The following IMMP2L variants were observed in gnomAD, a reference collection of about 807,000 sequenced individuals.
IMMP2L encodes the protein inner mitochondrial membrane peptidase subunit 2.
A neutral mutation model predicts 19.3 loss-of-function variants in IMMP2L; 18 were observed. That is an observed-to-expected ratio of 0.93 (90% CI 0.64 to 1.38). IMMP2L has a LOEUF of 1.38. IMMP2L is among the 40% of genes most tolerant of loss of function. The pLI, the probability that IMMP2L is intolerant of heterozygous loss-of-function variation, is 0.00. For missense variants in IMMP2L, 233 were observed against 218.2 expected (o/e 1.07, Z -0.43); for synonymous variants, 76 against 73.0 (o/e 1.04, Z -0.21).
chr7:111,263,799 G>C lies in IMMP2L; in HGVS notation c.239+223439C>G, dbSNP rs147275246. On this transcript the variant is annotated intron_variant, in intron 3 of 5. Transcript: ENST00000405709. ...ACTAGGGAAATTAGTGAAACACTAGGAGCACATGGCTTTACTGGAAGCCAG... is the reference window on the plus strand; with the variant it reads ...ACTAGGGAAATTAGTGAAACACTAGCAGCACATGGCTTTACTGGAAGCCAG... 4.6e-5 allele frequency among the ~76,000 whole-genome samples: 7 copies of C among 152,242 alleles called. No individual in the cohort carries two copies. In the East Asian group the frequency reaches 1.4e-3, roughly 29 times the overall value.
At chr7:110,981,311 T>G (rs1821274284) in intron 3 of IMMP2L, among the ~76,000 whole-genome samples, 2 of 152,234 alleles carry the variant, frequency 1.3e-5, no homozygotes, top group South Asian at 2.1e-4. Flanking sequence ...ATAGTCACAC[T>G]GTTAATATTA....
At chr7:111,111,564 C>T (rs1799206621) in intron 3 of IMMP2L, among the ~76,000 whole-genome samples, 1 of 151,916 alleles carries the variant, frequency 6.6e-6, no homozygotes, top group Admixed American at 6.6e-5. Flanking sequence ...ATAGACTAGT[C>T]CTTAAATGGT....
chr7:111,531,079 G>T (rs1469607541), intron 1 of IMMP2L, among the ~76,000 whole-genome samples: 1 of 151,662 alleles, frequency 6.6e-6, no homozygotes, highest in East Asian at 1.9e-4. Context: ...AGCCTCCAGA[G>T]TAGCTGGGAC....
chr7:111,048,692 G>A (rs1194831028), intron 3 of IMMP2L, among the ~76,000 whole-genome samples: 2 of 152,148 alleles, frequency 1.3e-5, no homozygotes, highest in South Asian at 4.1e-4. Context: ...AAGAGGTTGT[G>A]ATTATTAACG....
intron 3 of IMMP2L, among the ~76,000 whole-genome samples, chr7:111,072,987 G>A (rs7781676): frequency 0.13 from 19,761 of 151,338 alleles, 1,862 homozygotes; most frequent in African/African-American, 0.26. Flanking sequence ...TAAAGGCAAA[G>A]ACATGGCTAT....
chr7:110,962,616 T>A (rs539945694), intron 4 of IMMP2L: 1 of 478,934 alleles, frequency 2.1e-6, no homozygotes, highest in South Asian at 8.7e-5. Flanking sequence ...TTAGTATTAT[T>A]AGGAAAGTAG....
chr7:110,981,507 T>C (rs1259831560), intron 3 of IMMP2L, among the ~76,000 whole-genome samples: 1 of 151,634 alleles, frequency 6.6e-6, no homozygotes, highest in East Asian at 1.9e-4. Context: ...AAAATTTCTG[T>C]GTTGAGTGGT....
chr7:110,713,441 T>C (rs950904160), intron 5 of IMMP2L, among the ~76,000 whole-genome samples: 5 of 152,240 alleles, frequency 3.3e-5, no homozygotes, highest in African/African-American at 1.2e-4. Context: ...TTTCTGATTC[T>C]GTGAAAAATG....
intron 5 of IMMP2L, among the ~76,000 whole-genome samples, chr7:110,744,752 A>G (rs1797217851): frequency 6.6e-6 from 1 of 152,240 alleles, no homozygotes; most frequent in Non-Finnish European, 1.5e-5. Context: ...AAGGTCATCG[A>G]CTTCAAAGAC....
At chr7:110,759,518 A>C (rs1332565621) in intron 5 of IMMP2L, among the ~76,000 whole-genome samples, 1 of 152,180 alleles carries the variant, frequency 6.6e-6, no homozygotes, top group Admixed American at 6.6e-5. Flanking sequence ...AAGGAGGTTC[A>C]TGATGCATAT....
Position 110,728,984 on chromosome 7 carries a change from A to G in IMMP2L, c.409-65263T>C, listed in dbSNP as rs948777478. Among the ~76,000 whole-genome samples, 4 of 152,116 alleles carry G rather than the reference A, an allele frequency of 2.6e-5. No individual in the cohort carries two copies. The highest frequency in any genetic ancestry group is 5.9e-5 in the Non-Finnish European group (4 of 68,024). On this transcript the variant is annotated intron_variant, in intron 5 of 5. Transcript: ENST00000405709. This position sits in a 1 kb window ranked among gnomAD's most constrained non-coding sequence, Gnocchi z 4.6. ...CAGCTCACAGCAACCTCCGTCTCCCAGGTTCAAGAGATTCTCCAGCCTCAG... is the reference window on the plus strand; with the variant it reads ...CAGCTCACAGCAACCTCCGTCTCCCGGGTTCAAGAGATTCTCCAGCCTCAG...
At chr7:111,275,616 C>A (rs1055812050) in intron 3 of IMMP2L, among the ~76,000 whole-genome samples, 7 of 152,100 alleles carry the variant, frequency 4.6e-5, no homozygotes, top group African/African-American at 1.4e-4. Context: ...TTTTAACATA[C>A]AATTTTATAG....
chr7:110,703,101 C>T (rs891855927), intron 5 of IMMP2L, among the ~76,000 whole-genome samples: 4 of 152,024 alleles, frequency 2.6e-5, no homozygotes, highest in East Asian at 1.9e-4. Flanking sequence ...TTTCAGAATG[C>T]GGAAGTTCCC....
intron 3 of IMMP2L, among the ~76,000 whole-genome samples, chr7:111,077,981 G>T (rs942666052): frequency 1.3e-5 from 2 of 152,052 alleles, no homozygotes; most frequent in African/African-American, 4.8e-5. Flanking sequence ...ACCTTCTAAG[G>T]CTGAACCTCT....
intron 5 of IMMP2L, among the ~76,000 whole-genome samples, chr7:110,786,678 C>T (rs189599734): frequency 1.7e-3 from 252 of 152,030 alleles, no homozygotes; most frequent in Non-Finnish European, 3.0e-3. Flanking sequence ...CACAAATTGG[C>T]GAACAATTAA....
chr7:110,840,787 A>C (rs1298802645), intron 5 of IMMP2L, among the ~76,000 whole-genome samples: 1 of 152,128 alleles, frequency 6.6e-6, no homozygotes, highest in African/African-American at 2.4e-5. Context: ...TTTATGAAAA[A>C]CTTTTGTCTC....
intron 5 of IMMP2L, among the ~76,000 whole-genome samples, chr7:110,876,038 T>G (rs1297496709): frequency 6.6e-6 from 1 of 152,158 alleles, no homozygotes; most frequent in Non-Finnish European, 1.5e-5. Context: ...AAAAAACGGA[T>G]ACATTTCTTT....
intron 5 of IMMP2L, among the ~76,000 whole-genome samples, chr7:110,827,808 T>C (rs889218106): frequency 3.9e-5 from 6 of 152,122 alleles, no homozygotes; most frequent in Admixed American, 1.3e-4. Context: ...TCCAGTACTT[T>C]GAATAAAGAC....
chr7:110,822,545 A>G (rs1803130455), intron 5 of IMMP2L, among the ~76,000 whole-genome samples: 1 of 152,088 alleles, frequency 6.6e-6, no homozygotes, highest in African/African-American at 2.4e-5. Context: ...ACCTGTCTCC[A>G]TCCCCAAGCC....
Sources: gnomAD v4.1 joint callset for allele counts (sites outside exome capture counted in the v4.1 genomes callset) on GRCh38, gnomAD v4.1.1 for gene constraint, Gnocchi (gnomAD v3.1) non-coding constraint, MANE v1.5 for transcripts, NCBI Gene and HGNC (gene_info 2026-07-23, HGNC 2026-07-21) for gene names.